Variants in EPG5 observed in about 807,000 individuals in gnomAD.
EPG5 encodes ectopic P granules protein 5 homolog.
Under a neutral mutation model 302.7 loss-of-function variants are expected in EPG5, and 159 were observed. The ratio of observed to expected loss-of-function variants is 0.53; its 90% CI spans 0.46 to 0.60. The LOEUF is 0.60. Ranked by LOEUF, EPG5 falls within the 20% of genes least tolerant of loss-of-function variation. The pLI is 0.00. For synonymous variants in EPG5, 1,158 were observed against 1,136.8 expected, an observed-to-expected ratio of 1.02 and a Z score of -0.37; for missense variants, 2,896 against 3,092.4, an observed-to-expected ratio of 0.94 and a Z score of 1.51.
At chr18:45,865,066 A>C (rs1350809584) in intron 39 of EPG5, among the ~76,000 whole-genome samples, 1 of 152,164 alleles carries the variant, frequency 6.6e-6, no homozygotes, top group Non-Finnish European at 1.5e-5. Flanking sequence ...CTTCAGGGTG[A>C]CAGCAGCCTC....
At chr18:45,840,241 G>A in the EPG5 span, 17 of 1,611,512 alleles carry the variant, frequency 1.1e-5, no homozygotes, top group South Asian at 1.3e-4. Context: ...ACCCCACCAC[G>A]GTAAGTGAGC....
At chr18:45,836,295 G>A in the EPG5 span, among the ~76,000 whole-genome samples, 1 of 152,040 alleles carries the variant, frequency 6.6e-6, no homozygotes, top group Non-Finnish European at 1.5e-5. Context: ...GTGCTTTGAG[G>A]GTCACATGAC....
the EPG5 span, among the ~76,000 whole-genome samples, chr18:45,807,711 G>C: frequency 6.6e-6 from 1 of 151,884 alleles, no homozygotes; most frequent in South Asian, 2.1e-4. Context: ...CACCCTGTGG[G>C]ACAAAAAAAA....
At chr18:45,856,644 C>T (rs1482347351) in intron 42 of EPG5, among the ~76,000 whole-genome samples, 1 of 152,112 alleles carries the variant, frequency 6.6e-6, no homozygotes, top group Admixed American at 6.5e-5. Flanking sequence ...TATCTTCCAC[C>T]GCAAACAAAA....
At chr18:45,898,813 T>C (rs2049536952) in intron 27 of EPG5, among the ~76,000 whole-genome samples, 1 of 152,150 alleles carries the variant, frequency 6.6e-6, no homozygotes, top group Non-Finnish European at 1.5e-5. Flanking sequence ...TCCTTCTAAC[T>C]GTATCATCAC....
At chr18:45,840,270 C>A in the EPG5 span, 1 of 1,605,794 alleles carries the variant, frequency 6.2e-7, no homozygotes, top group Non-Finnish European at 8.5e-7. Flanking sequence ...TCCACCCTAC[C>A]CTACCCCACC....
rs756732050 is a variant in EPG5 at position 45,889,837 on chromosome 18, T to G, written c.4913A>C (p.Asn1638Thr). ...TGCATGTACAGCAGCTTCCACAATA[T>G]TAAGTGATGGTGGTTTAGCAGCTTC... is the stretch of plus-strand genomic sequence containing the variant. ...QAEAAKPPSL[N>T]IVEAAVHAEN... Residue 1638 changes from asparagine to threonine, a missense_variant, in exon 28 of 44, where the codon AAT becomes ACT. By Grantham distance (65) the Asn-to-Thr change is moderately conservative (BLOSUM62 0). Around this residue, in one of 5 missense-constraint regions of EPG5, gnomAD observed 790 missense variants for 798.0 expected, o/e 0.99. Transcript: ENST00000282041. 6.2e-7 allele frequency: 1 copy of G among 1,612,126 alleles called. No individual in the cohort carries two copies. Among genetic ancestry groups the G allele is most frequent in the Non-Finnish European group, 8.5e-7 (1 of 1,179,086 alleles).
intron 39 of EPG5, among the ~76,000 whole-genome samples, chr18:45,864,567 T>C (rs897704947): frequency 1.3e-5 from 2 of 152,226 alleles, no homozygotes; most frequent in South Asian, 2.1e-4. Flanking sequence ...TGTTTTCTAT[T>C]ACTTTGCTCA....
intron 43 of EPG5, among the ~76,000 whole-genome samples, chr18:45,855,175 G>C (rs577401755): frequency 2.0e-4 from 31 of 151,692 alleles, no homozygotes; most frequent in African/African-American, 7.2e-4. Context: ...CTACTTTCTC[G>C]GTTCCAAGCT....
the EPG5 span, among the ~76,000 whole-genome samples, chr18:45,839,868 C>A: frequency 2.6e-5 from 4 of 152,130 alleles, no homozygotes; most frequent in Non-Finnish European, 5.9e-5. Context: ...GTCCATAGCA[C>A]TAGGCTCACA....
chr18:45,938,811 C>T (rs1049651654), intron 10 of EPG5, among the ~76,000 whole-genome samples: 2 of 152,168 alleles, frequency 1.3e-5, no homozygotes, highest in Non-Finnish European at 2.9e-5. Context: ...CAGTAAATGG[C>T]AGACCAAGAC....
downstream of EPG5, among the ~76,000 whole-genome samples, chr18:45,845,585 G>A (rs150514555): frequency 7.6e-4 from 116 of 152,346 alleles, no homozygotes; most frequent in African/African-American, 2.7e-3. Flanking sequence ...TGGCAACAAA[G>A]ACCAGAGACA....
chr18:45,826,836 T>A, the EPG5 span, among the ~76,000 whole-genome samples: 1 of 152,210 alleles, frequency 6.6e-6, no homozygotes, highest in Non-Finnish European at 1.5e-5. Context: ...AGCAAACCTC[T>A]GCACAGCTGT....
At chr18:45,803,286 A>G in the EPG5 span, among the ~76,000 whole-genome samples, 1 of 152,160 alleles carries the variant, frequency 6.6e-6, no homozygotes, top group South Asian at 2.1e-4. Flanking sequence ...CACTTCTGGT[A>G]TGGCTGAGTA....
intron 1 of EPG5, among the ~76,000 whole-genome samples, chr18:45,957,880 T>C (rs1200368301): frequency 6.6e-6 from 1 of 152,164 alleles, no homozygotes; most frequent in Non-Finnish European, 1.5e-5. Flanking sequence ...GGCTGTCCCC[T>C]CTAAACCAGG....
At position 45,934,812 on chromosome 18, in the gene EPG5, G is replaced by A. The variant is rs748508343; in HGVS notation, c.2254C>T (p.Gln752Ter). The A allele has an allele frequency of 6.2e-7, 1 of 1,611,986 alleles. No individual in the cohort carries two copies. Among genetic ancestry groups the A allele is most frequent in the East Asian group, 2.2e-5 (1 of 44,880 alleles). ...LQPAQCKQQL[Q>*]DPEHFTNFEK... ...CGACTGCTCGGCGGGGCTGTACCTTGGAGCTGCTGCTTGCACTGGGCGGGC... is the reference window on the plus strand; with the variant it reads ...CGACTGCTCGGCGGGGCTGTACCTTAGAGCTGCTGCTTGCACTGGGCGGGC... The change falls in exon 11 of 44, where the codon CAA (glutamine) becomes TAA (stop). Residue 752 changes from glutamine (Q) to a stop codon, truncating the protein, a stop_gained. Transcript: ENST00000282041. LOFTEE classifies it high-confidence loss of function.
At chr18:45,948,252 G>C (rs1263689294) in intron 6 of EPG5, among the ~76,000 whole-genome samples, 1 of 152,100 alleles carries the variant, frequency 6.6e-6, no homozygotes. Context: ...TTTTTTGTCT[G>C]TAGCACCTTT....
At chr18:45,953,697 T>A in intron 2 of EPG5, 1 of 985,378 alleles carries the variant, frequency 1.0e-6, no homozygotes, top group Non-Finnish European at 1.2e-6. Flanking sequence ...GGGCTCTGTG[T>A]TACACATCAG....
At position 45,850,883 on chromosome 18, in the gene EPG5, A is replaced by G. The variant is rs966071973; in HGVS notation, c.*1584T>C. 1 of 152,656 alleles carries G rather than the reference A, an allele frequency of 6.6e-6. No homozygotes were observed. Among genetic ancestry groups the G allele is most frequent in the Non-Finnish European group, 1.5e-5 (1 of 68,040 alleles). 9.5% of individuals were successfully genotyped at this position (152,656 alleles called of 1,614,324 possible). A position where few individuals can be genotyped will look rare whatever the true frequency, so the allele number is the denominator to read the frequency against. On this transcript the variant is annotated 3_prime_UTR_variant, in exon 44 of 44. Transcript: ENST00000282041. ...CTTCTCAAATTTTCTTATACAGAGAACAAGATGATTAATTTTGAAAACGGA... is the reference window on the plus strand; with the variant it reads ...CTTCTCAAATTTTCTTATACAGAGAGCAAGATGATTAATTTTGAAAACGGA...
Sources: allele counts gnomAD v4.1 joint callset (sites outside exome capture counted in the v4.1 genomes callset), GRCh38; gene constraint gnomAD v4.1.1; regional missense constraint gnomAD v4.1.1; transcripts MANE v1.5; gene names NCBI Gene and HGNC (gene_info 2026-07-23, HGNC 2026-07-21).